The following PRTFDC1 variants were observed in gnomAD, a reference collection of about 807,000 sequenced individuals.
PRTFDC1 encodes the protein phosphoribosyl transferase domain containing 1.
A neutral mutation model predicts 34.6 loss-of-function variants in PRTFDC1; 38 were observed. That is an observed-to-expected ratio of 1.10 (90% CI 0.85 to 1.44). PRTFDC1 has a LOEUF of 1.44. Among genes scored for constraint, PRTFDC1 ranks in the 40% most tolerant of loss-of-function variants. The pLI is 0.00. For synonymous variants in PRTFDC1, 93 were observed against 98.1 expected, an observed-to-expected ratio of 0.95 and a Z score of 0.31; for missense variants, 270 against 283.0, an observed-to-expected ratio of 0.95 and a Z score of 0.33.
intron 3 of PRTFDC1, among the ~76,000 whole-genome samples, chr10:24,904,891 A>T (rs2132558587): frequency 6.6e-6 from 1 of 151,276 alleles, no homozygotes; most frequent in Non-Finnish European, 1.5e-5. Flanking sequence ...TATGCCAACG[A>T]CTCCTCCTTT....
chr10:24,912,821 C>G (rs1848645683), intron 3 of PRTFDC1, among the ~76,000 whole-genome samples: 1 of 152,118 alleles, frequency 6.6e-6, no homozygotes, highest in Non-Finnish European at 1.5e-5. Context: ...TCCATCAGCT[C>G]TCACCTGGAT....
chr10:24,946,890 C>A (rs1564322035), intron 1 of PRTFDC1, among the ~76,000 whole-genome samples: 2 of 152,200 alleles, frequency 1.3e-5, no homozygotes. Flanking sequence ...AATCCCAACA[C>A]TTTGGGAGGC....
chr10:24,878,329 G>A (rs2478093), intron 3 of PRTFDC1, among the ~76,000 whole-genome samples: 63,841 of 151,866 alleles, frequency 0.42, 14,033 homozygotes, highest in Non-Finnish European at 0.48. Flanking sequence ...AATGAGCCCA[G>A]TTCAATCCTA....
chr10:24,921,625 G>A (rs953652466), intron 3 of PRTFDC1, among the ~76,000 whole-genome samples: 6 of 150,240 alleles, frequency 4.0e-5, no homozygotes, highest in Non-Finnish European at 7.4e-5. Context: ...GTACTGTTGT[G>A]CCCTTTTCCT....
At chr10:24,911,203 C>A (rs1848622034) in intron 3 of PRTFDC1, among the ~76,000 whole-genome samples, 3 of 152,194 alleles carry the variant, frequency 2.0e-5, no homozygotes, top group Admixed American at 6.5e-5. Context: ...CCATCACCCC[C>A]AAAAGCTCCC....
intron 3 of PRTFDC1, among the ~76,000 whole-genome samples, chr10:24,926,186 C>T (rs772121039): frequency 6.6e-6 from 1 of 152,340 alleles, no homozygotes; most frequent in South Asian, 2.1e-4. Context: ...ACCCCTCTGG[C>T]CTCCATGCTC....
chr10:24,923,211 G>A (rs948068400), intron 3 of PRTFDC1, among the ~76,000 whole-genome samples: 1 of 152,226 alleles, frequency 6.6e-6, no homozygotes, highest in Admixed American at 6.5e-5. Flanking sequence ...CTCCACCTCT[G>A]TGGGCAGGGT....
chr10:24,896,560 G>C (rs1164520659), intron 3 of PRTFDC1, among the ~76,000 whole-genome samples: 1 of 152,176 alleles, frequency 6.6e-6, no homozygotes, highest in Non-Finnish European at 1.5e-5. Flanking sequence ...TGCCATGCTA[G>C]TTTTAGTCTT....
intron 3 of PRTFDC1, among the ~76,000 whole-genome samples, chr10:24,896,577 A>C (rs1460894173): frequency 6.6e-5 from 10 of 152,296 alleles, no homozygotes; most frequent in African/African-American, 2.4e-4. Context: ...TCTTTTCTTA[A>C]TGGAAAGGGA....
At chr10:24,890,508 T>TCTA (rs1256257393) in intron 3 of PRTFDC1, among the ~76,000 whole-genome samples, 1 of 152,186 alleles carries the variant, frequency 6.6e-6, no homozygotes, top group African/African-American at 2.4e-5. Context: ...ACATAAAACA[T>TCTA]CTACTCTTCT....
At chr10:24,951,239 A>G (rs1036810194) in intron 1 of PRTFDC1, among the ~76,000 whole-genome samples, 1 of 151,700 alleles carries the variant, frequency 6.6e-6, no homozygotes, top group African/African-American at 2.4e-5. Context: ...TTCTCCTCCA[A>G]TTACCCTCTA....
At chr10:24,866,284 G>C (rs11814196) in intron 4 of PRTFDC1, among the ~76,000 whole-genome samples, 3,639 of 150,692 alleles carry the variant, frequency 0.024, 156 homozygotes, top group African/African-American at 0.084. Flanking sequence ...TCGCTTGAAC[G>C]TGGGAGGTGC....
intron 4 of PRTFDC1, among the ~76,000 whole-genome samples, chr10:24,870,532 C>T (rs918187735): frequency 6.6e-6 from 1 of 152,180 alleles, no homozygotes; most frequent in African/African-American, 2.4e-5. Flanking sequence ...AGGCAGTGTC[C>T]TACAATAAAA....
chr10:24,937,537 G>A (rs1405271132), intron 2 of PRTFDC1, among the ~76,000 whole-genome samples, 170 bp from the exon 3 acceptor site: 1 of 149,716 alleles, frequency 6.7e-6, no homozygotes, highest in South Asian at 2.1e-4. Flanking sequence ...TTGAACATAA[G>A]GTGTTCAAAA....
chr10:24,942,894 T>C (rs1443230441), intron 1 of PRTFDC1, among the ~76,000 whole-genome samples: 1 of 152,148 alleles, frequency 6.6e-6, no homozygotes, highest in Non-Finnish European at 1.5e-5. Context: ...GTGATCCACC[T>C]GCCTCAGCTT....
intron 2 of PRTFDC1, among the ~76,000 whole-genome samples, chr10:24,939,305 A>G (rs1849109734): frequency 6.6e-6 from 1 of 150,830 alleles, no homozygotes; most frequent in Non-Finnish European, 1.5e-5. Context: ...CTGACTCAAA[A>G]AAAAAAAAAA....
At chr10:24,917,853 T>C (rs537492169) in intron 3 of PRTFDC1, among the ~76,000 whole-genome samples, 1 of 152,332 alleles carries the variant, frequency 6.6e-6, no homozygotes, top group South Asian at 2.1e-4. Flanking sequence ...TGGTGGGGGC[T>C]ACGAGTGGTC....
chr10:24,929,108 T>C (rs2132595650), intron 3 of PRTFDC1, among the ~76,000 whole-genome samples: 1 of 150,074 alleles, frequency 6.7e-6, no homozygotes, highest in African/African-American at 2.5e-5. Flanking sequence ...CCCTTGCTAC[T>C]TGGAAACAGT....
rs1271994019 is a variant in PRTFDC1, at chr10:24,863,878, C to A, written c.406-5469G>T. Among the ~76,000 whole-genome samples, 4 of 151,818 alleles carry A rather than the reference C, an allele frequency of 2.6e-5. 1 individual carries two copies. Among genetic ancestry groups the A allele is most frequent in the East Asian group, 3.9e-4 (2 of 5,170 alleles). Reference sequence around the variant, plus strand: ...ATTGCTTGAGCCCAGTAGTTTGAGACCAGCCTGGGCAACGTGGCAAAACCC... The same window carrying A: ...ATTGCTTGAGCCCAGTAGTTTGAGAACAGCCTGGGCAACGTGGCAAAACCC... On this transcript the variant is annotated intron_variant, in intron 4 of 8. Transcript: ENST00000320152.
Sources: gnomAD v4.1 joint callset for allele counts (sites outside exome capture counted in the v4.1 genomes callset) on GRCh38, gnomAD v4.1.1 for gene constraint, MANE v1.5 for transcripts, NCBI Gene and HGNC (gene_info 2026-07-23, HGNC 2026-07-21) for gene names.